Variants in TM4SF4 observed in about 807,000 individuals in gnomAD.
The protein encoded by TM4SF4 is transmembrane 4 L6 family member 4.
Under a neutral mutation model 24.1 loss-of-function variants are expected in TM4SF4, and 24 were observed. That is an observed-to-expected ratio of 1.00 (90% CI 0.72 to 1.40). The LOEUF is 1.40. Ranked by LOEUF, TM4SF4 falls within the 40% of genes most tolerant of loss-of-function variation. The pLI is 0.00. For synonymous variants in TM4SF4, 113 were observed against 97.0 expected, an observed-to-expected ratio of 1.17 and a Z score of -0.97; for missense variants, 254 against 254.2, an observed-to-expected ratio of 1.00 and a Z score of 0.01.
chr3:149,492,006 C>T (rs573012476), intron 3 of TM4SF4, among the ~76,000 whole-genome samples: 6 of 152,244 alleles, frequency 3.9e-5, no homozygotes, highest in Non-Finnish European at 8.8e-5. Flanking sequence ...TCAAGCAAGA[C>T]ATGGCATGGC....
At chr3:149,498,958 G>T (rs766167673) in intron 4 of TM4SF4, 47 bp downstream of exon 4, 2 of 1,601,178 alleles carry the variant, frequency 1.2e-6, no homozygotes, top group Admixed American at 3.3e-5. Context: ...GGGAGGCCAG[G>T]TCAGGCCACT....
chr3:149,482,569 G>C (rs1201719927), intron 2 of TM4SF4, among the ~76,000 whole-genome samples: 1 of 151,970 alleles, frequency 6.6e-6, no homozygotes, highest in East Asian at 1.9e-4. Flanking sequence ...TTCTAGACAG[G>C]GTCTGGCTCT....
rs764923034 is a variant in TM4SF4, at chr3:149,498,812, G to A, written c.492G>A (p.Leu164=). ...ATCTGACCCTCTTCTCCATCCTGCTGGTCGTAGGAGGAATCCAGATGGTTC... is the reference window on the plus strand; with the variant it reads ...ATCTGACCCTCTTCTCCATCCTGCTAGTCGTAGGAGGAATCCAGATGGTTC... The part of the protein sequence containing the change: ...PWNLTLFSIL[L]VVGGIQMVLC... Residue 164 remains leucine, a synonymous_variant, in exon 4 of 5, where the codon CTG becomes CTA. Transcript: ENST00000305354. 1.2e-6 allele frequency: 2 copies of A among 1,613,972 alleles called. No individual in the cohort carries two copies. Among genetic ancestry groups the A allele is most frequent in the Non-Finnish European group, 1.7e-6 (2 of 1,179,876 alleles).
At chr3:149,475,728 C>T in intron 1 of TM4SF4, 95 bp from the exon 2 acceptor site, 1 of 1,047,060 alleles carries the variant, frequency 9.6e-7, no homozygotes, top group Non-Finnish European at 1.4e-6. Context: ...GCCTCCAAAT[C>T]CCTCATTGTG....
chr3:149,497,701 A>G (rs1734335744), intron 3 of TM4SF4, among the ~76,000 whole-genome samples: 1 of 151,900 alleles, frequency 6.6e-6, no homozygotes, highest in Non-Finnish European at 1.5e-5. Flanking sequence ...CTGGAGTGCA[A>G]TGGCATGATC....
intron 3 of TM4SF4, among the ~76,000 whole-genome samples, chr3:149,493,256 A>G (rs1734247527): frequency 6.6e-6 from 1 of 152,250 alleles, no homozygotes. Context: ...AGGCTCAAAA[A>G]AAACCTCTTT....
chr3:149,487,374 T>C (rs1191550591), intron 2 of TM4SF4, among the ~76,000 whole-genome samples: 1 of 151,934 alleles, frequency 6.6e-6, no homozygotes, highest in African/African-American at 2.4e-5. Flanking sequence ...GGCTCAAAGG[T>C]AACAGAACCA....
Position 149,487,604 on chromosome 3 carries a change from C to T in TM4SF4, c.265-15C>T. ...CCACCTGGAGAATGTGACTGTCTCTCTTCCTCTCTTTCAGATGTTCACCTC... is the reference window on the plus strand; with the variant it reads ...CCACCTGGAGAATGTGACTGTCTCTTTTCCTCTCTTTCAGATGTTCACCTC... On this transcript the variant is annotated splice_polypyrimidine_tract_variant and intron_variant, in intron 2 of 4. Transcript: ENST00000305354. The T allele has an allele frequency of 6.2e-7, 1 of 1,613,906 alleles. No individual in the cohort carries two copies. The highest frequency in any genetic ancestry group is 1.1e-5 in the South Asian group (1 of 91,076).
intron 3 of TM4SF4, 45 bp from the exon 4 acceptor site, chr3:149,498,677 C>A: frequency 6.3e-7 from 1 of 1,578,496 alleles, no homozygotes; most frequent in Non-Finnish European, 8.7e-7. Flanking sequence ...GAGGGAATTG[C>A]ACACTTTTTA....
intron 1 of TM4SF4, 28 bp from the exon 2 acceptor site, chr3:149,475,795 C>A (rs764169284): frequency 3.2e-6 from 5 of 1,582,132 alleles, no homozygotes; most frequent in Non-Finnish European, 4.3e-6. Context: ...CTCCTGGACT[C>A]TCTCTGAGGT....
At chr3:149,495,483 C>G (rs1332979965) in intron 3 of TM4SF4, 1 of 424,440 alleles carries the variant, frequency 2.4e-6, no homozygotes, top group Non-Finnish European at 4.7e-6. Context: ...TTGCTCCAGT[C>G]AACGTTACAA....
At chr3:149,475,125 A>G (rs965894700) in intron 1 of TM4SF4, 74 bp downstream of exon 1, 3 of 1,452,010 alleles carry the variant, frequency 2.1e-6, no homozygotes, top group Non-Finnish European at 2.8e-6. Flanking sequence ...TCAGGTACTT[A>G]TTGAACAGGG....
intron 3 of TM4SF4, among the ~76,000 whole-genome samples, chr3:149,492,654 T>C (rs1048029835): frequency 2.6e-5 from 4 of 152,112 alleles, no homozygotes; most frequent in African/African-American, 9.7e-5. Context: ...GCTGCAACTC[T>C]TTACCTCCTT....
intron 3 of TM4SF4, chr3:149,496,060 G>A (rs1289225863): frequency 1.0e-5 from 2 of 199,240 alleles, no homozygotes; most frequent in African/African-American, 2.3e-5. Context: ...GTAGAAGAAT[G>A]ACCTCAGAAC....
At chr3:149,476,054 T>C (rs959738185) in intron 2 of TM4SF4, 142 bp downstream of exon 2, 1 of 682,522 alleles carries the variant, frequency 1.5e-6, no homozygotes, top group African/African-American at 1.8e-5. Context: ...ACTGTGATTT[T>C]TCCTGCCAGT....
intron 4 of TM4SF4, among the ~76,000 whole-genome samples, chr3:149,502,322 T>C (rs28502438): frequency 0.3 from 45,116 of 152,034 alleles, 8,493 homozygotes; most frequent in Non-Finnish European, 0.43. Context: ...AATTCATCAG[T>C]ACCTAATTCA....
At position 149,474,765 on chromosome 3, in the gene TM4SF4, T is replaced by C. The variant is rs888701854; in HGVS notation, c.-113T>C. ...AATTTGGTTCTCAGCCCCAAAATAC[T>C]GATTGAATTGGAGACAATTACAAGG... On this transcript the variant is annotated 5_prime_UTR_variant, in exon 1 of 5. Transcript: ENST00000305354. 1.1e-5 allele frequency: 13 copies of C among 1,188,650 alleles called. No homozygotes were observed. The highest frequency in any genetic ancestry group is 1.5e-5 in the African/African-American group (1 of 65,182). 73.6% of individuals were successfully genotyped at this position (1,188,650 alleles called of 1,614,324 possible). A position where few individuals can be genotyped will look rare whatever the true frequency, so the allele number is the denominator to read the frequency against.
At chr3:149,488,516 C>T (rs144737219) in intron 3 of TM4SF4, among the ~76,000 whole-genome samples, 19 of 152,306 alleles carry the variant, frequency 1.2e-4, no homozygotes, top group South Asian at 8.3e-4. Flanking sequence ...CTGACCAGGA[C>T]GGCACTGTTC....
Position 149,475,023 on chromosome 3 carries a change from T to C in TM4SF4, c.146T>C (p.Phe49Ser), listed in dbSNP as rs1341703105. 6.2e-7 allele frequency: 1 copy of C among 1,613,672 alleles called. No homozygotes were observed. The highest frequency in any genetic ancestry group is 1.1e-5 in the South Asian group (1 of 91,064). ...CACCTTTCCCAAGAGATCTGGTTTT[T>C]CGGAGGAATATTAGGAAGCGGTGTC... ...NDHLSQEIWF[F>S]GGILGSGVLM... The change falls in exon 1 of 5, where the codon TTC becomes TCC. Residue 49 changes from phenylalanine to serine, a missense_variant. By Grantham distance (155) the Phe-to-Ser change is radical (BLOSUM62 -2). Transcript: ENST00000305354.
Sources: allele counts gnomAD v4.1 joint callset (sites outside exome capture counted in the v4.1 genomes callset), GRCh38; gene constraint gnomAD v4.1.1; transcripts MANE v1.5; gene names NCBI Gene and HGNC (gene_info 2026-07-23, HGNC 2026-07-21).